BIRC5: variants seen among roughly 807,000 people sequenced by gnomAD.
BIRC5 encodes the protein baculoviral IAP repeat containing 5, also known as baculoviral IAP repeat-containing protein 5.
BIRC5 carries 8 observed loss-of-function variants against 15.8 expected under a neutral mutation model. That is an observed-to-expected ratio of 0.51 (90% CI 0.30 to 0.91). The LOEUF (loss-of-function observed/expected upper bound fraction) is 0.91, where lower values mean the gene tolerates loss of function less well. Ranked by LOEUF, BIRC5 falls within the 40% of genes least tolerant of loss-of-function variation. BIRC5 has a pLI of 0.07. For missense variants in BIRC5, 163 were observed against 178.6 expected, an observed-to-expected ratio of 0.91 and a Z score of 0.50; for synonymous variants, 56 against 64.5, an observed-to-expected ratio of 0.87 and a Z score of 0.63.
intron 3 of BIRC5, among the ~76,000 whole-genome samples, chr17:78,219,881 G>T (rs2076503693): frequency 6.6e-6 from 1 of 152,236 alleles, no homozygotes; most frequent in Admixed American, 6.5e-5. Context: ...TGTGTGCCTG[G>T]AACCATCATG....
chr17:78,215,669 GT>G (rs1263730767), intron 2 of BIRC5, among the ~76,000 whole-genome samples: 1 of 151,806 alleles, frequency 6.6e-6, no homozygotes, highest in Non-Finnish European at 1.5e-5. Context: ...GAGAGTAGCT[GT>G]TTTTTTTCTT....
chr17:78,223,322 C>G (rs2076527500), intron 3 of BIRC5, 143 bp from the exon 4 acceptor site: 1 of 747,556 alleles, frequency 1.3e-6, no homozygotes, highest in Non-Finnish European at 2.0e-6. Context: ...TCCCAGGTAG[C>G]TGGGAATCTG....
chr17:78,222,579 C>T (rs2076522511), intron 3 of BIRC5, among the ~76,000 whole-genome samples: 1 of 152,150 alleles, frequency 6.6e-6, no homozygotes, highest in Non-Finnish European at 1.5e-5. Flanking sequence ...GCAGGAGAAT[C>T]TCTTGAACCC....
intron 3 of BIRC5, among the ~76,000 whole-genome samples, chr17:78,220,460 G>A (rs1309172498): frequency 6.6e-6 from 1 of 151,164 alleles, no homozygotes; most frequent in Non-Finnish European, 1.5e-5. Flanking sequence ...CTTTCATGAT[G>A]TGTGAGCTGA....
At position 78,224,051 on chromosome 17, in the gene BIRC5, G is replaced by GTGTTTTTT. The variant is rs1567867388; in HGVS notation, c.*498_*499insGTTTTTTT. 3 of 114,834 alleles carry GTGTTTTTT rather than the reference G, an allele frequency of 2.6e-5. No homozygotes were observed. The highest frequency in any genetic ancestry group is 2.5e-4 in the East Asian group (1 of 4,002). 7.1% of individuals were successfully genotyped at this position (114,834 alleles called of 1,614,324 possible). On this transcript the variant is annotated 3_prime_UTR_variant, in exon 4 of 4. Coordinates refer to ENST00000350051, the MANE Select transcript of BIRC5 (RefSeq NM_001168.3). ...CTCCTCAGAGGACAGTTTTTTTGTTGTTGTGTTTTTTTGTTTTTTTTTTTT... is the reference window on the plus strand; with the variant it reads ...CTCCTCAGAGGACAGTTTTTTTGTTGTGTTTTTTTTGTGTTTTTTTGTTTTTTTTTTTT...
At chr17:78,222,202 TAA>T (rs201091966) in intron 3 of BIRC5, among the ~76,000 whole-genome samples, 4 of 141,894 alleles carry the variant, frequency 2.8e-5, no homozygotes, top group African/African-American at 7.7e-5. Context: ...ACCCTGTCTC[TAA>T]AAAAAAAAAA....
At chr17:78,222,821 C>T in intron 3 of BIRC5, 2 of 1,535,472 alleles carry the variant, frequency 1.3e-6, no homozygotes, top group Non-Finnish European at 1.7e-6. Context: ...TGTCATTTGC[C>T]CCTTAGGAGA....
At chr17:78,219,674 G>A (rs1037743766) in intron 3 of BIRC5, among the ~76,000 whole-genome samples, 8 of 152,282 alleles carry the variant, frequency 5.3e-5, no homozygotes, top group African/African-American at 1.4e-4. Flanking sequence ...TTTCTGCAGC[G>A]TGCCATAGAC....
chr17:78,220,531 C>A (rs2076508344), intron 3 of BIRC5, among the ~76,000 whole-genome samples: 1 of 152,106 alleles, frequency 6.6e-6, no homozygotes, highest in Non-Finnish European at 1.5e-5. Context: ...GTCTCTATCT[C>A]CTGATAGTCA....
At position 78,214,413 on chromosome 17, in the gene BIRC5, T is replaced by C. The variant is rs1392270102; in HGVS notation, c.97T>C (p.Cys33Arg). 1.3e-6 allele frequency: 2 copies of C among 1,584,190 alleles called. No individual in the cohort carries two copies. Among genetic ancestry groups the C allele is most frequent in the Non-Finnish European group, 1.7e-6 (2 of 1,164,342 alleles). ...CTGGCCCTTCTTGGAGGGCTGCGCC[T>C]GCACCCCGGAGCGGGTGAGACTGCC... ...KNWPFLEGCA[C>R]TPERMAEAGF... Residue 33 changes from cysteine (C) to arginine (R), a missense_variant, in exon 1 of 4, where the codon TGC (cysteine) becomes CGC (arginine). Coordinates refer to ENST00000350051, the MANE Select transcript of BIRC5 (RefSeq NM_001168.3).
At chr17:78,215,038 A>G (rs2076467691) in intron 2 of BIRC5, 1 of 433,760 alleles carries the variant, frequency 2.3e-6, no homozygotes, top group Non-Finnish European at 4.3e-6. Context: ...TCAACAGAAT[A>G]CATCAGCAGA....
At chr17:78,216,929 G>A in intron 3 of BIRC5, 148 bp downstream of exon 3, 1 of 548,432 alleles carries the variant, frequency 1.8e-6, no homozygotes, top group Non-Finnish European at 3.2e-6. Flanking sequence ...GCCCAGGCTG[G>A]AGTGCAATGG....
rs539686513 is a variant in BIRC5, at chr17:78,217,028, T to A, written c.339+247T>A. Among the ~76,000 whole-genome samples the A allele has an allele frequency of 1.5e-4, 23 of 149,620 alleles. No individual in the cohort carries two copies. In the South Asian group the frequency reaches 2.8e-3, roughly 18 times the overall value. On this transcript the variant is annotated intron_variant, in intron 3 of 3. Coordinates refer to ENST00000350051, the MANE Select transcript of BIRC5 (RefSeq NM_001168.3). The stretch of plus-strand genomic sequence containing the variant: ...CCAAGTAACTGGGATTACAGGGAAG[T>A]GCCACCACACCCAGCTAATTTTTGT...
chr17:78,222,146 A>G (rs1357723623), intron 3 of BIRC5, among the ~76,000 whole-genome samples: 1 of 151,904 alleles, frequency 6.6e-6, no homozygotes, highest in Non-Finnish European at 1.5e-5. Flanking sequence ...AAGCTGCAGT[A>G]AGCCATGATC....
At chr17:78,218,738 G>T (rs1026856634) in intron 3 of BIRC5, among the ~76,000 whole-genome samples, 1 of 151,900 alleles carries the variant, frequency 6.6e-6, no homozygotes, top group Non-Finnish European at 1.5e-5. Context: ...GAGTAGCTGG[G>T]ACTACAGGTG....
At chr17:78,222,178 G>T (rs2076519665) in intron 3 of BIRC5, among the ~76,000 whole-genome samples, 1 of 149,810 alleles carries the variant, frequency 6.7e-6, no homozygotes, top group African/African-American at 2.5e-5. Context: ...TTCCAGCCTG[G>T]ATGACAGAGC....
intron 3 of BIRC5, among the ~76,000 whole-genome samples, chr17:78,217,392 T>A (rs1006450405): frequency 6.6e-6 from 1 of 151,554 alleles, no homozygotes; most frequent in Non-Finnish European, 1.5e-5. Flanking sequence ...GCCAGGCTGG[T>A]CTTGAACTCC....
Position 78,217,170 on chromosome 17 carries a change from G to A in BIRC5, c.339+389G>A, listed in dbSNP as rs544714396. On this transcript the variant is annotated intron_variant, in intron 3 of 3. Transcript: ENST00000350051. ...TGGGATTACAGGCGTGAACCACCAC[G>A]CCTGGCTTTTTTTTTTTTGTTCTGA... 1.2e-3 allele frequency among the ~76,000 whole-genome samples: 173 copies of A among 143,392 alleles called. 1 individual carries two copies. Among genetic ancestry groups the A allele is most frequent in the African/African-American group, 4.3e-3 (163 of 37,752 alleles). The allele number at this position is 143,392 out of a possible 152,430, so 94.1% of individuals were successfully genotyped here. A position where few individuals can be genotyped will look rare whatever the true frequency, so the allele number is the denominator to read the frequency against.
intron 3 of BIRC5, among the ~76,000 whole-genome samples, chr17:78,219,075 C>T (rs1181821327): frequency 6.6e-6 from 1 of 152,198 alleles, no homozygotes; most frequent in African/African-American, 2.4e-5. Context: ...TCATGCTTTC[C>T]TTGCTAAATA....
Sources: gnomAD v4.1 joint callset for allele counts (sites outside exome capture counted in the v4.1 genomes callset) on GRCh38, gnomAD v4.1.1 for gene constraint, MANE v1.5 for transcripts, NCBI Gene and HGNC (gene_info 2026-07-23, HGNC 2026-07-21) for gene names.